ATP11C: variants seen among roughly 807,000 people sequenced by gnomAD.
ATP11C encodes ATPase phospholipid transporting 11C (ATP11C blood group).
A neutral mutation model predicts 97.4 loss-of-function variants in ATP11C; 36 were observed. The ratio of observed to expected loss-of-function variants is 0.37; its 90% CI spans 0.28 to 0.49. The LOEUF (loss-of-function observed/expected upper bound fraction) is 0.49, where lower values mean the gene tolerates loss of function less well. Ranked by LOEUF, ATP11C falls within the 20% of genes least tolerant of loss-of-function variation. ATP11C has a pLI of 0.98. For missense variants in ATP11C, 730 were observed against 824.6 expected, an observed-to-expected ratio of 0.89 and a Z score of 1.40; for synonymous variants, 275 against 290.9, an observed-to-expected ratio of 0.95 and a Z score of 0.56.
At chrX:139,874,735 A>G (rs966350252) in intron 1 of ATP11C, among the ~76,000 whole-genome samples, 6 of 111,881 alleles carry the variant, frequency 5.4e-5, no homozygotes, top group Non-Finnish European at 1.1e-4. Flanking sequence ...GTGAATACCA[A>G]TCTCCGGAGG....
At chrX:139,731,471 T>C (rs2081339270) in intron 29 of ATP11C, among the ~76,000 whole-genome samples, 180 bp downstream of exon 29, 1 of 112,467 alleles carries the variant, frequency 8.9e-6, no homozygotes, top group South Asian at 3.6e-4. Context: ...TAATGTTTAA[T>C]ATTTTAAATG....
At chrX:139,854,147 T>C (rs2084051929) in intron 1 of ATP11C, among the ~76,000 whole-genome samples, 1 of 111,864 alleles carries the variant, frequency 8.9e-6, no homozygotes, top group Non-Finnish European at 1.9e-5. Context: ...GGCCTAATAA[T>C]TGGTCTAATC....
At chrX:139,835,922 G>A (rs1305602870) in intron 1 of ATP11C, among the ~76,000 whole-genome samples, 5 of 103,909 alleles carry the variant, frequency 4.8e-5, no homozygotes, top group African/African-American at 1.4e-4. Context: ...AACTACTTGG[G>A]AGGCTGAGGC....
At chrX:139,833,275 AATTT>A (rs976835907) in intron 1 of ATP11C, among the ~76,000 whole-genome samples, 2 of 112,401 alleles carry the variant, frequency 1.8e-5, no homozygotes, top group African/African-American at 6.5e-5. Context: ...AAATGTAATT[AATTT>A]AAAGAGCACA....
intron 5 of ATP11C, among the ~76,000 whole-genome samples, chrX:139,808,288 C>T (rs997667052): frequency 5.4e-5 from 6 of 110,440 alleles, no homozygotes; most frequent in Admixed American, 9.6e-5. Flanking sequence ...ATTGGAGTAC[C>T]GGAAGAATAG....
intron 1 of ATP11C, among the ~76,000 whole-genome samples, chrX:139,851,501 G>A (rs1338386539): frequency 8.9e-6 from 1 of 112,260 alleles, no homozygotes; most frequent in Non-Finnish European, 1.9e-5. Flanking sequence ...GAAATGTGAG[G>A]TTGGAGCCAG....
intron 1 of ATP11C, among the ~76,000 whole-genome samples, chrX:139,853,922 A>G (rs2084047212): frequency 9.2e-6 from 1 of 108,745 alleles, no homozygotes; most frequent in Non-Finnish European, 1.9e-5. Flanking sequence ...AAGATGATTT[A>G]ACATTAACGA....
At chrX:139,903,116 C>T (rs1207587410) in intron 1 of ATP11C, among the ~76,000 whole-genome samples, 1 of 111,688 alleles carries the variant, frequency 9.0e-6, no homozygotes, top group African/African-American at 3.3e-5. Context: ...CATTCATATA[C>T]TATGATGGGC....
At chrX:139,746,013 A>G (rs1472946686) in intron 24 of ATP11C, among the ~76,000 whole-genome samples, 156 bp from the exon 25 acceptor site, 1 of 112,082 alleles carries the variant, frequency 8.9e-6, no homozygotes. Context: ...GACTGAGCCA[A>G]AGGCTGACCT....
intron 1 of ATP11C, among the ~76,000 whole-genome samples, chrX:139,878,366 T>C: frequency 1.8e-5 from 2 of 112,023 alleles, no homozygotes; most frequent in Middle Eastern, 4.6e-3. Flanking sequence ...AAATAGCAAA[T>C]ATTTATCACA....
chrX:139,930,234 C>T (rs965587088), intron 1 of ATP11C, among the ~76,000 whole-genome samples: 3 of 111,248 alleles, frequency 2.7e-5, no homozygotes, highest in Non-Finnish European at 3.8e-5. Context: ...CTACTGCATG[C>T]CCTGGCTTCC....
rs2081647941 is a variant in ATP11C at position 139,744,946 on chromosome X, C to T, written c.2964+776G>A. 2.7e-5 allele frequency among the ~76,000 whole-genome samples: 3 copies of T among 111,820 alleles called. No individual in the cohort carries two copies. In the Admixed American group the frequency reaches 2.8e-4, roughly 11 times the overall value. On this transcript the variant is annotated intron_variant, in intron 25 of 29. Coordinates refer to ENST00000682941, the MANE Select transcript of ATP11C (RefSeq NM_001353812.2). ...CTTCTGTAACAGGTGTTACCAGGTT[C>T]CAGACATAGTATCCTCAGTAAATTC...
At chrX:139,801,012 G>A (rs190370326) in intron 7 of ATP11C, among the ~76,000 whole-genome samples, 2 of 112,037 alleles carry the variant, frequency 1.8e-5, no homozygotes, top group African/African-American at 6.5e-5. Context: ...CAATTACGAC[G>A]CAAGTGCTTA....
intron 18 of ATP11C, among the ~76,000 whole-genome samples, chrX:139,779,769 T>C (rs1315458012): frequency 1.8e-5 from 2 of 110,594 alleles, no homozygotes; most frequent in Admixed American, 9.6e-5. Context: ...AAAAAAATCA[T>C]ACAAAGGATC....
intron 5 of ATP11C, among the ~76,000 whole-genome samples, chrX:139,812,197 G>A (rs1335908496): frequency 8.9e-6 from 1 of 111,946 alleles, no homozygotes. Context: ...TTTAGAGACT[G>A]CTGGCTAATA....
intron 1 of ATP11C, among the ~76,000 whole-genome samples, chrX:139,903,681 C>T (rs1321324305): frequency 9.1e-6 from 1 of 109,651 alleles, no homozygotes; most frequent in Non-Finnish European, 1.9e-5. Flanking sequence ...TGATTTCAAC[C>T]AGAAGACAGC....
At chrX:139,766,619 T>C (rs1416308259) in intron 20 of ATP11C, among the ~76,000 whole-genome samples, 2 of 111,451 alleles carry the variant, frequency 1.8e-5, no homozygotes, top group Admixed American at 9.5e-5. Context: ...TGTGCGTGTG[T>C]GTGTGCGCGC....
At chrX:139,794,660 A>G (rs2082757664) in intron 12 of ATP11C, among the ~76,000 whole-genome samples, 1 of 112,017 alleles carries the variant, frequency 8.9e-6, no homozygotes, top group Non-Finnish European at 1.9e-5. Flanking sequence ...TACTTTCTGC[A>G]GTATTAACAT....
intron 23 of ATP11C, among the ~76,000 whole-genome samples, chrX:139,751,314 C>A (rs1377016224): frequency 6.2e-5 from 7 of 112,098 alleles, no homozygotes. Flanking sequence ...GAGGGGACTA[C>A]AACTCTGGCT....
Sources: gnomAD v4.1 joint callset for allele counts (sites outside exome capture counted in the v4.1 genomes callset) on GRCh38, gnomAD v4.1.1 for gene constraint, MANE v1.5 for transcripts, NCBI Gene and HGNC (gene_info 2026-07-23, HGNC 2026-07-21) for gene names.